Variants in EYA4 observed in about 807,000 individuals in gnomAD.
The protein encoded by EYA4 is protein phosphatase EYA4.
A neutral mutation model predicts 87.9 loss-of-function variants in EYA4; 31 were observed. The ratio of observed to expected loss-of-function variants is 0.35; its 90% CI spans 0.27 to 0.48. The LOEUF is 0.48. Ranked by LOEUF, EYA4 falls within the 20% of genes least tolerant of loss-of-function variation. The pLI is 0.99. For missense variants in EYA4, 678 were observed against 761.4 expected (o/e 0.89, Z 1.29); for synonymous variants, 263 against 270.6 (o/e 0.97, Z 0.28).
intron 2 of EYA4, among the ~76,000 whole-genome samples, chr6:133,328,901 ATTAAG>A (rs1781708284): frequency 6.6e-6 from 1 of 152,178 alleles, no homozygotes; most frequent in Non-Finnish European, 1.5e-5. Flanking sequence ...CCCATCTGAT[ATTAAG>A]TTAAACAAAT....
chr6:133,506,318 T>C, intron 14 of EYA4, 123 bp downstream of exon 14: 1 of 633,284 alleles, frequency 1.6e-6, no homozygotes, highest in Non-Finnish European at 2.8e-6. Flanking sequence ...AAGCATAAAG[T>C]TCTTGTCAAG....
At chr6:133,334,438 G>A (rs1478066586) in intron 2 of EYA4, among the ~76,000 whole-genome samples, 1 of 152,162 alleles carries the variant, frequency 6.6e-6, no homozygotes, top group Non-Finnish European at 1.5e-5. Flanking sequence ...AGTGGTAATA[G>A]TAAGACTGTC....
At chr6:133,259,727 C>T (rs1459717506) in intron 1 of EYA4, among the ~76,000 whole-genome samples, 1 of 152,102 alleles carries the variant, frequency 6.6e-6, no homozygotes, top group Non-Finnish European at 1.5e-5. Context: ...AGATTTATTG[C>T]CATATTATAT....
At chr6:133,264,760 C>A (rs539082547) in intron 1 of EYA4, among the ~76,000 whole-genome samples, 1 of 152,094 alleles carries the variant, frequency 6.6e-6, no homozygotes, top group East Asian at 1.9e-4. Flanking sequence ...GAGATGTGCC[C>A]CCTCCACTCC....
chr6:133,445,903 G>A (rs926872093), intron 3 of EYA4, among the ~76,000 whole-genome samples: 3 of 152,290 alleles, frequency 2.0e-5, no homozygotes, highest in African/African-American at 4.8e-5. Flanking sequence ...TCAAAAGATG[G>A]TCAGCCCTTC....
chr6:133,282,211 T>C (rs1459401868), intron 2 of EYA4, among the ~76,000 whole-genome samples: 1 of 152,186 alleles, frequency 6.6e-6, no homozygotes, highest in Non-Finnish European at 1.5e-5. Flanking sequence ...CCACCAGCAG[T>C]ATATAAGTGT....
chr6:133,490,554 A>G (rs1797061091), intron 13 of EYA4, among the ~76,000 whole-genome samples: 1 of 152,202 alleles, frequency 6.6e-6, no homozygotes, highest in African/African-American at 2.4e-5. Context: ...TAATCATCAA[A>G]GTGGATTTCA....
At chr6:133,508,714 C>T (rs966884723) in intron 14 of EYA4, among the ~76,000 whole-genome samples, 3 of 152,098 alleles carry the variant, frequency 2.0e-5, no homozygotes, top group African/African-American at 7.2e-5. Flanking sequence ...TTGTAACTAA[C>T]TAGCAAGTTT....
At chr6:133,417,751 G>T (rs957749762) in intron 3 of EYA4, among the ~76,000 whole-genome samples, 1 of 152,146 alleles carries the variant, frequency 6.6e-6, no homozygotes, top group African/African-American at 2.4e-5. Flanking sequence ...GAGAGATATT[G>T]TTGTTCCCTT....
At chr6:133,340,509 G>A (rs1204448918) in intron 2 of EYA4, among the ~76,000 whole-genome samples, 2 of 152,192 alleles carry the variant, frequency 1.3e-5, no homozygotes, top group African/African-American at 4.8e-5. Flanking sequence ...TAGGGTAGGT[G>A]AGCCCCATTG....
In EYA4 at chr6:133,356,033, GAGAGAGAA is replaced by G. The variant is rs1161090276; in HGVS notation, c.34-26335_34-26328del. On this transcript the variant is annotated intron_variant, in intron 2 of 19. Coordinates refer to ENST00000355286, the MANE Select transcript of EYA4 (RefSeq NM_004100.5). ...GTCTTGGGGGTTAGGGGTGGGGAGA[GAGAGAGAA>G]AGAGAGAAAGAGAGAAAGAGAGAGA... 3.3e-4 allele frequency among the ~76,000 whole-genome samples: 47 copies of G among 144,272 alleles called. No individual in the cohort carries two copies. The East Asian group carries it at 3.7e-3, about 11-fold the overall frequency. The allele number at this position is 144,272 out of a possible 152,430, so 94.6% of individuals were successfully genotyped here. A position where few individuals can be genotyped will look rare whatever the true frequency, so the allele number is the denominator to read the frequency against.
At chr6:133,251,027 T>C (rs1433128421) in intron 1 of EYA4, among the ~76,000 whole-genome samples, 3 of 152,164 alleles carry the variant, frequency 2.0e-5, no homozygotes, top group Non-Finnish European at 4.4e-5. Flanking sequence ...TCTTGGCAAA[T>C]CTGAGGTTGT....
At chr6:133,254,994 G>C (rs974625241) in intron 1 of EYA4, among the ~76,000 whole-genome samples, 1 of 152,278 alleles carries the variant, frequency 6.6e-6, no homozygotes, top group South Asian at 2.1e-4. Context: ...ACTCATCAGC[G>C]ATGTGACTTT....
At chr6:133,272,791 TCTC>T (rs1776809161) in intron 1 of EYA4, among the ~76,000 whole-genome samples, 2 of 152,108 alleles carry the variant, frequency 1.3e-5, no homozygotes, top group Non-Finnish European at 1.5e-5. Context: ...TGCAGAGCCT[TCTC>T]CTGTTCTGGA....
intron 16 of EYA4, 32 bp from the exon 17 acceptor site, chr6:133,515,289 C>G (rs757054304): frequency 1.1e-4 from 119 of 1,051,508 alleles, no homozygotes; most frequent in Non-Finnish European, 1.7e-4. Flanking sequence ...ATATTCATCT[C>G]TCGACTCTGC....
At chr6:133,428,633 G>A (rs764657155) in intron 3 of EYA4, among the ~76,000 whole-genome samples, 1 of 152,102 alleles carries the variant, frequency 6.6e-6, no homozygotes, top group African/African-American at 2.4e-5. Flanking sequence ...TGCCATCCAC[G>A]GCTGTGAATT....
chr6:133,346,996 T>G (rs1403493933), intron 2 of EYA4, among the ~76,000 whole-genome samples: 1 of 152,224 alleles, frequency 6.6e-6, no homozygotes, highest in African/African-American at 2.4e-5. Context: ...TCTGTGGAGC[T>G]CCAGGTTTCT....
chr6:133,456,578 A>G lies in EYA4; in HGVS notation c.300A>G (p.Thr100=), dbSNP rs1416734443. 1 of 1,612,968 alleles carries G rather than the reference A, an allele frequency of 6.2e-7. No homozygotes were observed. Among genetic ancestry groups the G allele is most frequent in the African/African-American group, 1.3e-5 (1 of 74,900 alleles). Reference sequence around the variant, plus strand: ...TAGTGTCTCTTCTTGCAGTCAAAACAGAGCCCTTGAACAGCAGTGAAACCA... The same window carrying G: ...TAGTGTCTCTTCTTGCAGTCAAAACGGAGCCCTTGAACAGCAGTGAAACCA... ...SATMSLLAVK[T]EPLNSSETTA... is the part of the protein sequence containing the mutation. The change falls in exon 6 of 20, where the codon ACA becomes ACG. Residue 100 remains threonine, a synonymous_variant. Coordinates refer to ENST00000355286, the MANE Select transcript of EYA4 (RefSeq NM_004100.5).
intron 2 of EYA4, among the ~76,000 whole-genome samples, chr6:133,289,696 A>G (rs564247448): frequency 2.6e-5 from 4 of 152,320 alleles, no homozygotes; most frequent in South Asian, 4.1e-4. Context: ...AAATTTGACA[A>G]TAGAGTCAGA....
Sources: allele counts gnomAD v4.1 joint callset (sites outside exome capture counted in the v4.1 genomes callset), GRCh38; gene constraint gnomAD v4.1.1; transcripts MANE v1.5; gene names NCBI Gene and HGNC (gene_info 2026-07-23, HGNC 2026-07-21).